The following ABCA12 variants were observed in gnomAD, a reference collection of about 807,000 sequenced individuals.
ABCA12 encodes the protein glucosylceramide transporter ABCA12.
A neutral mutation model predicts 293.5 loss-of-function variants in ABCA12; 156 were observed. The ratio of observed to expected loss-of-function variants is 0.53; its 90% confidence interval spans 0.47 to 0.61. The LOEUF (loss-of-function observed/expected upper bound fraction) is 0.61. Ranked by LOEUF, ABCA12 falls within the 20% of genes least tolerant of loss-of-function variation. The pLI, the probability that ABCA12 is intolerant of heterozygous loss-of-function variation, is 0.00. For synonymous variants in ABCA12, 1,063 were observed against 1,108.0 expected, an observed-to-expected ratio of 0.96 and a Z score of 0.81; for missense variants, 2,797 against 3,090.2, an observed-to-expected ratio of 0.91 and a Z score of 2.25.
chr2:214,987,033 G>T (rs1223467389), intron 27 of ABCA12, among the ~76,000 whole-genome samples: 1 of 152,074 alleles, frequency 6.6e-6, no homozygotes, highest in Non-Finnish European at 1.5e-5. Flanking sequence ...ATATGTCTAA[G>T]GCTTGGTCCT....
intron 22 of ABCA12, chr2:214,999,758 C>G: frequency 1.0e-6 from 1 of 980,374 alleles, no homozygotes; most frequent in Non-Finnish European, 1.2e-6. Context: ...AGCCAGCTAA[C>G]CTTGACAGTC....
intron 8 of ABCA12, among the ~76,000 whole-genome samples, chr2:215,034,910 C>G (rs1700958656): frequency 6.6e-6 from 1 of 152,148 alleles, no homozygotes; most frequent in South Asian, 2.1e-4. Context: ...AGAATCCAAG[C>G]AACTCTGCTA....
intron 50 of ABCA12, among the ~76,000 whole-genome samples, chr2:214,941,144 A>C (rs1269089409): frequency 6.6e-6 from 1 of 152,154 alleles, no homozygotes; most frequent in Non-Finnish European, 1.5e-5. Flanking sequence ...GCTGTGTTCC[A>C]GTGATTCTGG....
intron 36 of ABCA12, among the ~76,000 whole-genome samples, chr2:214,971,143 C>T (rs1699377231): frequency 6.6e-6 from 1 of 152,090 alleles, no homozygotes; most frequent in Admixed American, 6.6e-5. Flanking sequence ...TCTCATGCTT[C>T]ATTGCAATGA....
At chr2:215,015,394 G>T (rs1700470335) in intron 15 of ABCA12, 96 bp downstream of exon 15, 3 of 1,210,230 alleles carry the variant, frequency 2.5e-6, no homozygotes, top group Non-Finnish European at 3.6e-6. Context: ...CGAATAAATG[G>T]ATCTCATCCC....
intron 1 of ABCA12, among the ~76,000 whole-genome samples, chr2:215,133,453 C>A (rs1209557745): frequency 1.3e-5 from 2 of 151,928 alleles, no homozygotes; most frequent in African/African-American, 4.8e-5. Context: ...TAGACTTCGT[C>A]ATCTTAATGG....
chr2:215,071,721 A>G (rs1701741714), intron 2 of ABCA12, among the ~76,000 whole-genome samples: 2 of 152,168 alleles, frequency 1.3e-5, no homozygotes, highest in African/African-American at 4.8e-5. Context: ...TTGAAGACAC[A>G]AGGCCCCATG....
intron 2 of ABCA12, chr2:215,075,505 GA>G: frequency 1.5e-6 from 1 of 681,546 alleles, no homozygotes; most frequent in Non-Finnish European, 2.6e-6. Flanking sequence ...CTTTGCAAAT[GA>G]TTTATTGTGC....
intron 23 of ABCA12, among the ~76,000 whole-genome samples, chr2:214,993,891 C>A (rs183360178): frequency 6.6e-6 from 1 of 152,236 alleles, no homozygotes; most frequent in East Asian, 1.9e-4. Flanking sequence ...AACACCAGGA[C>A]TAAAGGTGTT....
intron 44 of ABCA12, among the ~76,000 whole-genome samples, chr2:214,952,685 T>C (rs1481334331): frequency 6.6e-6 from 1 of 152,200 alleles, no homozygotes; most frequent in East Asian, 1.9e-4. Context: ...ATCATGTTTC[T>C]CTCTGTTCAA....
At chr2:215,003,165 G>T (rs1230363527) in intron 20 of ABCA12, among the ~76,000 whole-genome samples, 1 of 152,168 alleles carries the variant, frequency 6.6e-6, no homozygotes, top group Non-Finnish European at 1.5e-5. Context: ...AGGGGGAGGG[G>T]CGTTTGCTCT....
chr2:215,122,309 G>T (rs1404502137), intron 1 of ABCA12, among the ~76,000 whole-genome samples: 1 of 152,134 alleles, frequency 6.6e-6, no homozygotes, highest in African/African-American at 2.4e-5. Flanking sequence ...GGGAGTAAAT[G>T]ATACCAATTC....
At chr2:215,122,624 A>G (rs562462273) in intron 1 of ABCA12, among the ~76,000 whole-genome samples, 1 of 152,324 alleles carries the variant, frequency 6.6e-6, no homozygotes, top group Non-Finnish European at 1.5e-5. Flanking sequence ...TGGAAAAGCT[A>G]GTTCTATCAT....
chr2:215,075,864 G>C, intron 2 of ABCA12: 1 of 382,016 alleles, frequency 2.6e-6, no homozygotes. Flanking sequence ...TTATTGCTGG[G>C]ATCATTGTAT....
intron 8 of ABCA12, among the ~76,000 whole-genome samples, chr2:215,033,706 T>C (rs574187244): frequency 2.6e-5 from 4 of 151,684 alleles, no homozygotes; most frequent in South Asian, 4.2e-4. Context: ...TTTTGGGAGG[T>C]CGAGGTGGGC....
At chr2:215,010,529 A>G in intron 17 of ABCA12, 59 bp from the exon 18 acceptor site, 1 of 1,559,964 alleles carries the variant, frequency 6.4e-7, no homozygotes, top group Non-Finnish European at 8.8e-7. Flanking sequence ...CCATTTCCAC[A>G]TGGCAAATTG....
At chr2:215,104,516 T>C (rs924072228) in intron 2 of ABCA12, among the ~76,000 whole-genome samples, 30 of 152,188 alleles carry the variant, frequency 2.0e-4, no homozygotes, top group African/African-American at 7.0e-4. Flanking sequence ...CTCTGTGTGC[T>C]TCAGACAGCT....
At chr2:214,963,875 G>A (rs960228028) in intron 39 of ABCA12, among the ~76,000 whole-genome samples, 14 of 136,600 alleles carry the variant, frequency 1.0e-4, no homozygotes, top group African/African-American at 3.0e-4. Context: ...AGCTGAGATC[G>A]TGCCACTGCA....
chr2:215,012,079 T>C lies in ABCA12; in HGVS notation c.2013A>G (p.Ile671Met). 1.9e-6 allele frequency: 3 copies of C among 1,614,002 alleles called. No individual in the cohort carries two copies. The highest frequency in any genetic ancestry group is 1.7e-5 in the Admixed American group (1 of 60,020). ...TCTGATTGAGAATCTCTTTTAGTCT[T>C]ATGAAGAGCTCCATCATCTTTTCTA... The part of the protein sequence containing the change: ...KPVEKMMELF[I>M]RLKEILNQMA... Residue 671 changes from isoleucine (I) to methionine (M), a missense_variant, in exon 16 of 53, where the codon ATA becomes ATG. Coordinates refer to ENST00000272895, the MANE Select transcript of ABCA12 (RefSeq NM_173076.3).
Sources: allele counts gnomAD v4.1 joint callset (sites outside exome capture counted in the v4.1 genomes callset), GRCh38; gene constraint gnomAD v4.1.1; transcripts MANE v1.5; gene names NCBI Gene and HGNC (gene_info 2026-07-23, HGNC 2026-07-21).